Variants in FBN3 observed in about 807,000 individuals in gnomAD.
The protein encoded by FBN3 is fibrillin-3.
A neutral mutation model predicts 330.1 loss-of-function variants in FBN3; 234 were observed. That is an observed-to-expected ratio of 0.71 (90% CI 0.64 to 0.79). FBN3 has a LOEUF of 0.79. Among genes scored for constraint, FBN3 ranks in the 30% least tolerant of loss-of-function variants. FBN3 has a pLI of 0.00. For missense variants in FBN3, 3,606 were observed against 3,886.9 expected, an observed-to-expected ratio of 0.93 and a Z score of 1.92; for synonymous variants, 1,458 against 1,517.3, an observed-to-expected ratio of 0.96 and a Z score of 0.91.
intron 46 of FBN3, among the ~76,000 whole-genome samples, chr19:8,094,999 A>T (rs1310392266): frequency 2.6e-5 from 4 of 152,074 alleles, no homozygotes; most frequent in African/African-American, 7.2e-5. Context: ...TTGAGATAGG[A>T]TCTTTCCCTG....
rs201220144 is a variant in FBN3 at position 8,129,067 on chromosome 19, G to A, written c.2257C>T (p.Pro753Ser). ...SPGSYSCSCP[P>S]GFHFWQDTEI... ...GTGTCCTGCCAGAAGTGGAAGCCGG[G>A]GGGGCAGGAGCAGCTGTAGCTGCCA... Residue 753 changes from proline (P) to serine (S), a missense_variant, in exon 18 of 64, where the codon CCC (proline) becomes TCC (serine). Coordinates refer to ENST00000600128, the MANE Select transcript of FBN3 (RefSeq NM_032447.5). The surrounding 1 kb of genome is among the most constrained non-coding windows in gnomAD (Gnocchi z 4.5). The A allele has an allele frequency of 8.1e-6, 13 of 1,613,454 alleles. No individual in the cohort carries two copies. The highest frequency in any genetic ancestry group is 5.3e-5 in the African/African-American group (4 of 75,042).
intron 18 of FBN3, among the ~76,000 whole-genome samples, chr19:8,128,358 G>C (rs1319202835): frequency 6.6e-6 from 1 of 152,194 alleles, no homozygotes; most frequent in African/African-American, 2.4e-5. Context: ...GAGGTCAGGA[G>C]TTCGAGACCA....
chr19:8,096,381 C>A lies in FBN3; in HGVS notation c.5539+63G>T. On this transcript the variant is annotated intron_variant, in intron 44 of 63. Transcript: ENST00000600128. The surrounding 1 kb of genome is among the most constrained non-coding windows in gnomAD (Gnocchi z 4.6). The stretch of plus-strand genomic sequence containing the variant: ...GATGGACAGAAACACCACTTCCATC[C>A]CAGGGGAGGTTTAGACCCCAGGCAG... The A allele has an allele frequency of 6.4e-7, 1 of 1,564,862 alleles. No individual in the cohort carries two copies. The highest frequency in any genetic ancestry group is 8.7e-7 in the Non-Finnish European group (1 of 1,153,082).
chr19:8,142,514 G>A (rs1172631427), intron 6 of FBN3, among the ~76,000 whole-genome samples: 2 of 151,998 alleles, frequency 1.3e-5, no homozygotes, highest in Non-Finnish European at 2.9e-5. Flanking sequence ...TTGAGCACAC[G>A]CCTGGCCCTG....
chr19:8,110,788 T>A (rs917163827), intron 34 of FBN3, 57 bp downstream of exon 34: 64 of 1,605,938 alleles, frequency 4.0e-5, no homozygotes, highest in Non-Finnish European at 5.4e-5. Context: ...GTGAGCCATG[T>A]CCCCTGCCCC....
rs765937402 is a variant in FBN3, at chr19:8,116,717, G to A, written c.3669C>T (p.Cys1223=). ...TNMPGGHRCL[C]YDGFMATPDM... ...CTGGCGTGGCCATGAAGCCATCATA[G>A]CACAGGCAGCGGTGACCCCCTGGCA... The change falls in exon 29 of 64, where the codon TGC becomes TGT. Residue 1223 remains cysteine, a synonymous_variant. Transcript: ENST00000600128. The A allele has an allele frequency of 8.1e-6, 13 of 1,613,822 alleles. No homozygotes were observed. The highest frequency in any genetic ancestry group is 4.5e-5 in the East Asian group (2 of 44,872).
chr19:8,071,610 GC>G (rs1460103973), intron 63 of FBN3, among the ~76,000 whole-genome samples: 6 of 148,092 alleles, frequency 4.1e-5, no homozygotes, highest in African/African-American at 1.5e-4. Flanking sequence ...GCCACTTAGG[GC>G]CCCATTGGAA....
At chr19:8,138,039 T>C in intron 10 of FBN3, 102 bp downstream of exon 10, 3 of 1,338,038 alleles carry the variant, frequency 2.2e-6, no homozygotes, top group East Asian at 2.5e-5. Context: ...GCCCTAACCC[T>C]CTCTCTGAGG....
intron 51 of FBN3, among the ~76,000 whole-genome samples, chr19:8,089,278 T>C (rs975466620): frequency 6.6e-6 from 1 of 151,780 alleles, no homozygotes; most frequent in Admixed American, 6.6e-5. Context: ...AGTAAGTGAG[T>C]GAGCAAGTGA....
chr19:8,140,336 T>C (rs1321102102), intron 8 of FBN3, among the ~76,000 whole-genome samples: 1 of 152,100 alleles, frequency 6.6e-6, no homozygotes, highest in Non-Finnish European at 1.5e-5. Flanking sequence ...TGGTGGTGGG[T>C]GCCTGTAATC....
chr19:8,107,685 T>C (rs137862564), intron 37 of FBN3, among the ~76,000 whole-genome samples: 4 of 149,228 alleles, frequency 2.7e-5, no homozygotes, highest in South Asian at 2.2e-4. Context: ...GAGTGGAGGA[T>C]GGATGAATGG....
In FBN3 at chr19:8,136,197, T is replaced by C. The variant is rs1328297946; in HGVS notation, c.1458A>G (p.Ala486=). The change falls in exon 12 of 64, where the codon GCA becomes GCG. Residue 486 remains alanine, a synonymous_variant. Transcript: ENST00000600128. ...PGFQATPTRQ[A]CVDVDECIVS... ...TTGGATGGACAGCCGTACCCACGCA[T>C]GCCTGCCTGGTGGGCGTGGCCTGGA... is the stretch of plus-strand genomic sequence containing the variant. 2.5e-6 allele frequency: 4 copies of C among 1,613,496 alleles called. No individual in the cohort carries two copies. The highest frequency in any genetic ancestry group is 4.5e-5 in the East Asian group (2 of 44,856).
At chr19:8,077,293 T>C (rs974114187) in intron 59 of FBN3, among the ~76,000 whole-genome samples, 1 of 152,330 alleles carries the variant, frequency 6.6e-6, no homozygotes, top group African/African-American at 2.4e-5. Flanking sequence ...TGCTTTTAGC[T>C]TCCTTGAGTA....
Position 8,121,946 on chromosome 19 carries a change from G to A in FBN3, c.3083-560C>T, listed in dbSNP as rs1320861747. Among the ~76,000 whole-genome samples the A allele has an allele frequency of 2.0e-5, 3 of 151,396 alleles. No homozygotes were observed. Among genetic ancestry groups the A allele is most frequent in the South Asian group, 2.1e-4 (1 of 4,804 alleles). On this transcript the variant is annotated intron_variant, in intron 24 of 63. Transcript: ENST00000600128. The surrounding 1 kb of genome is among the most constrained non-coding windows in gnomAD (Gnocchi z 4.5). ...GTATTTTTAGTAGAGATGGTGTTTC[G>A]CCATGTTGGCCAGGCTGGTCTCAAA...
chr19:8,137,631 T>TATTTATTTA (rs1484194955), intron 10 of FBN3, among the ~76,000 whole-genome samples: 2 of 151,710 alleles, frequency 1.3e-5, no homozygotes, highest in East Asian at 3.9e-4. Context: ...TTTATTTATT[T>TATTTATTTA]ATTTATTTAT....
rs918117761 is a variant in FBN3 at position 8,118,784 on chromosome 19, GAC to G, written c.3337+111_3337+112del. ...TCACACATAGGTATGGCCTCAGAAA[GAC>G]AGATACACATGCCCACCCTCTCACT... On this transcript the variant is annotated intron_variant, in intron 26 of 63. Coordinates refer to ENST00000600128, the MANE Select transcript of FBN3 (RefSeq NM_032447.5). 94 of 1,348,964 alleles carry G rather than the reference GAC, an allele frequency of 7.0e-5. No homozygotes were observed. The Admixed American group carries it at 1.7e-3, about 24-fold the overall frequency. The allele number at this position is 1,348,964 out of a possible 1,614,324, so 83.6% of individuals were successfully genotyped here.
chr19:8,124,068 G>C, intron 22 of FBN3, 60 bp from the exon 23 acceptor site: 1 of 1,414,284 alleles, frequency 7.1e-7, no homozygotes, highest in Non-Finnish European at 9.8e-7. Flanking sequence ...CTGCGGGACA[G>C]GCGTGCCGCT....
Position 8,090,134 on chromosome 19 carries a change from C to G in FBN3, c.6149G>C (p.Gly2050Ala). ...CCSKRPGEGW[G>A]DPCELCPQEG... ...CTGGGGACACAGTTCGCAGGGGTCTCCCCAGCCCTCCCCAGGCCTCTTACT... is the reference window on the plus strand; with the variant it reads ...CTGGGGACACAGTTCGCAGGGGTCTGCCCAGCCCTCCCCAGGCCTCTTACT... The change falls in exon 49 of 64, where the codon GGA becomes GCA. Residue 2050 changes from glycine to alanine, a missense_variant. Physicochemically the swap from Gly to Ala is moderately conservative, Grantham distance 60 (BLOSUM62 0). Transcript: ENST00000600128. 1 of 1,613,778 alleles carries G rather than the reference C, an allele frequency of 6.2e-7. No individual in the cohort carries two copies. The highest frequency in any genetic ancestry group is 8.5e-7 in the Non-Finnish European group (1 of 1,179,836).
chr19:8,106,465 C>A (rs1398068240), intron 37 of FBN3, among the ~76,000 whole-genome samples: 1 of 152,228 alleles, frequency 6.6e-6, no homozygotes, highest in Non-Finnish European at 1.5e-5. Flanking sequence ...TTCTCCCATC[C>A]ACCACATAGT....
Sources: gnomAD v4.1 joint callset for allele counts (sites outside exome capture counted in the v4.1 genomes callset) on GRCh38, gnomAD v4.1.1 for gene constraint, Gnocchi (gnomAD v3.1) non-coding constraint, MANE v1.5 for transcripts, NCBI Gene and HGNC (gene_info 2026-07-23, HGNC 2026-07-21) for gene names.